BTNL9: variants seen among roughly 807,000 people sequenced by gnomAD.
The protein encoded by BTNL9 is butyrophilin-like protein 9.
BTNL9 carries 45 observed loss-of-function variants against 45.8 expected under a neutral mutation model. The ratio of observed to expected loss-of-function variants is 0.98; its 90% CI spans 0.77 to 1.26. The LOEUF is 1.26. BTNL9 is among the 50% of genes most tolerant of loss of function. BTNL9 has a pLI of 0.00. For synonymous variants in BTNL9, 346 were observed against 330.8 expected (o/e 1.05, Z -0.50); for missense variants, 784 against 729.7 (o/e 1.07, Z -0.86).
intron 1 of BTNL9, among the ~76,000 whole-genome samples, chr5:181,040,893 T>C (rs1185189779): frequency 6.6e-6 from 1 of 151,656 alleles, no homozygotes; most frequent in African/African-American, 2.4e-5. Flanking sequence ...GCTTGGGGAG[T>C]GGAGGACAGG....
chr5:181,053,027 CCCCGCCCCCTCCGCCGCGCGCGCT>C lies in BTNL9; in HGVS notation c.737-167_737-144del. The C allele has an allele frequency of 9.0e-6, 2 of 222,340 alleles. No individual in the cohort carries two copies. The highest frequency in any genetic ancestry group is 8.0e-6 in the Non-Finnish European group (1 of 125,786). 13.8% of individuals were successfully genotyped at this position (222,340 alleles called of 1,614,324 possible). A position where few individuals can be genotyped will look rare whatever the true frequency, so the allele number is the denominator to read the frequency against. Reference sequence around the variant, plus strand: ...CCCCCGCCCCCTCCGCCGCGCGCGCCCCCGCCCCCTCCGCCGCGCGCGCTCCCGCTCCACGCCCGTTTCCCAGGC... The same window carrying C: ...CCCCCGCCCCCTCCGCCGCGCGCGCCCCCGCTCCACGCCCGTTTCCCAGGC... On this transcript the variant is annotated intron_variant, in intron 4 of 10. Transcript: ENST00000327705. This position sits in a 1 kb window ranked among gnomAD's most constrained non-coding sequence, Gnocchi z 6.5.
chr5:181,045,638 C>A lies in BTNL9; in HGVS notation c.109+40C>A, dbSNP rs766845674. ...GCCTAGCTGGCCAGGATGTGAACGC[C>A]ACCCCTCCTGCCAGGTGCTCCCCAG... On this transcript the variant is annotated intron_variant, in intron 2 of 10. Coordinates refer to ENST00000327705, the MANE Select transcript of BTNL9 (RefSeq NM_152547.5). 2.9e-5 allele frequency: 43 copies of A among 1,503,076 alleles called. 1 individual carries two copies. The highest frequency in any genetic ancestry group is 4.0e-5 in the Non-Finnish European group (43 of 1,081,284). 93.1% of individuals were successfully genotyped at this position (1,503,076 alleles called of 1,614,324 possible).
At chr5:181,046,447 T>C (rs940254281) in intron 2 of BTNL9, among the ~76,000 whole-genome samples, 2 of 152,142 alleles carry the variant, frequency 1.3e-5, no homozygotes, top group Admixed American at 6.5e-5. Flanking sequence ...AACCCATTGA[T>C]ATACGTTTTT....
chr5:181,049,649 A>G (rs1761425741), intron 3 of BTNL9, among the ~76,000 whole-genome samples: 1 of 152,210 alleles, frequency 6.6e-6, no homozygotes. Flanking sequence ...TGTTTTGCAT[A>G]CTCAAAATAT....
At chr5:181,057,836 TG>T (rs1761961371) in intron 9 of BTNL9, among the ~76,000 whole-genome samples, 1 of 152,236 alleles carries the variant, frequency 6.6e-6, no homozygotes. Flanking sequence ...CGTCTTGTGT[TG>T]CTTTTGCTTT....
Position 181,053,369 on chromosome 5 carries a change from G to T in BTNL9, c.853+53G>T. The T allele has an allele frequency of 1.3e-6, 2 of 1,514,882 alleles. No individual in the cohort carries two copies. The highest frequency in any genetic ancestry group is 2.5e-5 in the East Asian group (1 of 39,904). The allele number at this position is 1,514,882 out of a possible 1,614,324, so 93.8% of individuals were successfully genotyped here. ...GGGGCACCGGCCGGTGCTGAACCCC[G>T]GGGCCGCGGAGGCGCCTCCCCCCAG... is the stretch of plus-strand genomic sequence containing the variant. On this transcript the variant is annotated intron_variant, in intron 5 of 10. Coordinates refer to ENST00000327705, the MANE Select transcript of BTNL9 (RefSeq NM_152547.5). This position sits in a 1 kb window ranked among gnomAD's most constrained non-coding sequence, Gnocchi z 6.5.
At chr5:181,056,121 G>A in intron 9 of BTNL9, 106 bp downstream of exon 9, 1 of 1,256,462 alleles carries the variant, frequency 8.0e-7, no homozygotes, top group Non-Finnish European at 1.2e-6. Flanking sequence ...GCATTCCGTG[G>A]CCTCACACAG....
chr5:181,048,631 A>AG (rs1491477873), intron 3 of BTNL9, among the ~76,000 whole-genome samples: 1 of 150,536 alleles, frequency 6.6e-6, no homozygotes, highest in Non-Finnish European at 1.5e-5. Context: ...CCAGCTACTC[A>AG]GGGGGGTGAG....
chr5:181,056,070 G>A (rs1761869438), intron 9 of BTNL9, 55 bp downstream of exon 9: 1 of 1,593,498 alleles, frequency 6.3e-7, no homozygotes, highest in Admixed American at 1.7e-5. Flanking sequence ...GAGCACCCCA[G>A]TCCAACTCAC....
chr5:181,051,752 G>C (rs907603466), intron 4 of BTNL9, among the ~76,000 whole-genome samples: 6 of 112,396 alleles, frequency 5.3e-5, no homozygotes, highest in Non-Finnish European at 7.9e-5. Context: ...AGGGGAAGAG[G>C]AAAGAGTCTC....
Position 181,059,348 on chromosome 5 carries a change from A to C in BTNL9, c.1094A>C (p.Gln365Pro). 2.6e-6 allele frequency: 4 copies of C among 1,542,624 alleles called. No homozygotes were observed. The highest frequency in any genetic ancestry group is 2.6e-6 in the Non-Finnish European group (3 of 1,146,950). ...CCAGGCCCGGCGCCTGGCCACCCGC[A>C]GCGGTTCTCGGAGCAGACGTGCGCG... The part of the protein sequence containing the change: ...APPGPAPGHP[Q>P]RFSEQTCALS... The change falls in exon 11 of 11, where the codon CAG (glutamine) becomes CCG (proline). Residue 365 changes from glutamine to proline, a missense_variant. By Grantham distance (76) the Gln-to-Pro change is moderately conservative. Transcript: ENST00000327705.
chr5:181,052,650 C>T (rs1761606234), intron 4 of BTNL9: 1 of 152,262 alleles, frequency 6.6e-6, no homozygotes, highest in South Asian at 2.1e-4. Flanking sequence ...GCTGTCGGCG[C>T]TGCCCCCGGC....
chr5:181,059,111 T>G, intron 10 of BTNL9, 126 bp from the exon 11 acceptor site: 1 of 1,379,202 alleles, frequency 7.3e-7, no homozygotes, highest in Non-Finnish European at 9.4e-7. Context: ...GGGGTGAGGG[T>G]CGGGGTAAGG....
chr5:181,051,089 C>CAAAAAAAAAAAAAAA, intron 4 of BTNL9, among the ~76,000 whole-genome samples: 1 of 131,822 alleles, frequency 7.6e-6, no homozygotes, highest in Non-Finnish European at 1.6e-5. Context: ...AAAAAAAAAA[C>CAAAAAAAAAAAAAAA]AAAAAAAAAA....
In BTNL9 at chr5:181,050,610, A is replaced by G. The variant is rs543071117; in HGVS notation, c.736+241A>G. On this transcript the variant is annotated intron_variant, in intron 4 of 10. Transcript: ENST00000327705. This position sits in a 1 kb window ranked among gnomAD's most constrained non-coding sequence, Gnocchi z 4.9. ...CGCCTTTCTGTGCCTAAGGCCATAC[A>G]CTAAAACCCATCAACTCTGCTCATC... Among the ~76,000 whole-genome samples, 1 of 152,204 alleles carries G rather than the reference A, an allele frequency of 6.6e-6. No homozygotes were observed. The highest frequency in any genetic ancestry group is 1.5e-5 in the Non-Finnish European group (1 of 68,034).
intron 2 of BTNL9, chr5:181,047,458 A>G (rs1761244811): frequency 5.4e-5 from 53 of 983,842 alleles, no homozygotes; most frequent in Non-Finnish European, 6.3e-5. Context: ...AAATGAGAAA[A>G]TATCTATTCT....
At chr5:181,045,275 A>T (rs1761035442) in intron 1 of BTNL9, among the ~76,000 whole-genome samples, 192 bp from the exon 2 acceptor site, 1 of 152,130 alleles carries the variant, frequency 6.6e-6, no homozygotes, top group South Asian at 2.1e-4. Context: ...GATGCCATTA[A>T]CAGTGTCCCC....
chr5:181,046,996 G>A (rs1042185755), intron 2 of BTNL9, among the ~76,000 whole-genome samples: 1 of 152,196 alleles, frequency 6.6e-6, no homozygotes, highest in Admixed American at 6.5e-5. Context: ...GCAATGAGGT[G>A]CCTCAAATAG....
chr5:181,051,432 AATG>A, intron 4 of BTNL9, among the ~76,000 whole-genome samples: 1 of 152,342 alleles, frequency 6.6e-6, no homozygotes, highest in Non-Finnish European at 1.5e-5. Flanking sequence ...TCTCAAGATA[AATG>A]ATAACTTGTC....
Sources: allele counts gnomAD v4.1 joint callset (sites outside exome capture counted in the v4.1 genomes callset), GRCh38; gene constraint gnomAD v4.1.1; non-coding constraint Gnocchi (gnomAD v3.1); transcripts MANE v1.5; gene names NCBI Gene and HGNC (gene_info 2026-07-23, HGNC 2026-07-21).